The following DAB2IP variants were observed in gnomAD, a reference collection of about 807,000 sequenced individuals.
DAB2IP encodes DAB2 interacting protein.
DAB2IP carries 28 observed loss-of-function variants against 107.2 expected under a neutral mutation model. The observed-to-expected ratio is 0.26, with a 90% CI of 0.19 to 0.36. The LOEUF (loss-of-function observed/expected upper bound fraction) is 0.36. DAB2IP is among the 10% of genes least tolerant of loss of function. The pLI, the probability that DAB2IP is intolerant of heterozygous loss-of-function variation, is 1.00. For missense variants in DAB2IP, 1,400 were observed against 1,644.7 expected (o/e 0.85, Z 2.57); for synonymous variants, 755 against 706.4 (o/e 1.07, Z -1.09).
chr9:121,737,636 C>T lies in DAB2IP; in HGVS notation c.363-19377C>T, dbSNP rs1456633639. The stretch of plus-strand genomic sequence containing the variant: ...CTGGAGACCTGGCCATCTTCGGAAG[C>T]CAGATCTGGCTCCAGAGCCTCGGGG... On this transcript the variant is annotated intron_variant, in intron 3 of 15. Transcript: ENST00000408936. 13 of 985,288 alleles carry T rather than the reference C, an allele frequency of 1.3e-5. No individual in the cohort carries two copies. The East Asian group carries it at 9.1e-4, about 69-fold the overall frequency. 61.0% of individuals were successfully genotyped at this position (985,288 alleles called of 1,614,324 possible). A position where few individuals can be genotyped will look rare whatever the true frequency, so the allele number is the denominator to read the frequency against.
intron 11 of DAB2IP, among the ~76,000 whole-genome samples, chr9:121,771,151 A>G (rs1834695842): frequency 6.6e-6 from 1 of 152,084 alleles, no homozygotes; most frequent in Non-Finnish European, 1.5e-5. Context: ...GGTGTTTTCA[A>G]TAGGAATTCG....
chr9:121,642,358 G>A (rs1262562009), intron 1 of DAB2IP, among the ~76,000 whole-genome samples: 2 of 151,494 alleles, frequency 1.3e-5, no homozygotes, highest in African/African-American at 2.4e-5. Context: ...CTCGTGTGTC[G>A]GCTTCCAGAT....
chr9:121,607,951 TG>T (rs995961051), intron 1 of DAB2IP, among the ~76,000 whole-genome samples: 5 of 152,228 alleles, frequency 3.3e-5, no homozygotes, highest in African/African-American at 1.2e-4. Context: ...AAGCAGGCCC[TG>T]GCCAGAGCAG....
At chr9:121,726,197 T>G (rs1298363117) in intron 3 of DAB2IP, among the ~76,000 whole-genome samples, 1 of 152,196 alleles carries the variant, frequency 6.6e-6, no homozygotes, top group East Asian at 1.9e-4. Flanking sequence ...TAGTCGCCAA[T>G]GGCTAGTGCT....
intron 1 of DAB2IP, among the ~76,000 whole-genome samples, chr9:121,630,659 G>A (rs1235364398): frequency 1.3e-5 from 2 of 151,288 alleles, no homozygotes; most frequent in Non-Finnish European, 2.9e-5. Context: ...CCAGGCTGGA[G>A]TGCAGTGATG....
exon 16 of DAB2IP, chr9:121,783,238 C>T: frequency 8.0e-7 from 1 of 1,252,920 alleles, no homozygotes; most frequent in Non-Finnish European, 1.0e-6. Flanking sequence ...CTTGTGAGCT[C>T]TTGTCCCTGT....
Position 121,732,472 on chromosome 9 carries a change from A to T in DAB2IP, c.363-24541A>T, listed in dbSNP as rs772848643. ...TGCGACCAGGCTGGTAGTGGGGCAG[A>T]GGTAGCCAGATGGGTAGGAGTCTGC... On this transcript the variant is annotated intron_variant, in intron 3 of 15. Transcript: ENST00000408936. Among the ~76,000 whole-genome samples, 12 of 152,044 alleles carry T rather than the reference A, an allele frequency of 7.9e-5. No homozygotes were observed. The South Asian group carries it at 2.1e-3, about 26-fold the overall frequency.
chr9:121,781,414 A>C lies in DAB2IP; in HGVS notation c.3315-50A>C, dbSNP rs773749581. 2.5e-6 allele frequency: 4 copies of C among 1,586,402 alleles called. No homozygotes were observed. The South Asian group carries it at 4.4e-5, about 18-fold the overall frequency. On this transcript the variant is annotated intron_variant, in intron 14 of 15. Transcript: ENST00000408936. ...ATGGGCTTGTTCTCACACCCTCCCC[A>C]CCTCTGCTGCCTCCAGGGCCAGTCT...
At position 121,665,421 on chromosome 9, in the gene DAB2IP, T is replaced by A. The variant is rs187028474; in HGVS notation, c.125-13257T>A. 1.8e-4 allele frequency among the ~76,000 whole-genome samples: 28 copies of A among 152,298 alleles called. 1 individual carries two copies. The East Asian group carries it at 4.8e-3, about 26-fold the overall frequency. On this transcript the variant is annotated intron_variant, in intron 1 of 15. Coordinates refer to ENST00000408936, the Ensembl canonical transcript of DAB2IP. ...ATTTGGGGGGAAAATAGTTTACAGT[T>A]AATGAATGAAATGAAAAATAAGATG...
chr9:121,625,852 C>T (rs1165047075), intron 1 of DAB2IP, among the ~76,000 whole-genome samples: 1 of 152,148 alleles, frequency 6.6e-6, no homozygotes, highest in African/African-American at 2.4e-5. Context: ...AATCTGGTAG[C>T]TTCTTGTAAA....
At chr9:121,590,868 G>A (rs1020095169) in intron 1 of DAB2IP, among the ~76,000 whole-genome samples, 3 of 152,130 alleles carry the variant, frequency 2.0e-5, no homozygotes, top group Non-Finnish European at 4.4e-5. Context: ...TGCCCAGCCC[G>A]GGAGCATGAC....
At chr9:121,758,109 A>T (rs1051606366) in intron 4 of DAB2IP, among the ~76,000 whole-genome samples, 4 of 152,172 alleles carry the variant, frequency 2.6e-5, no homozygotes, top group African/African-American at 7.2e-5. Context: ...GGTTCACAGC[A>T]GGGGGTTCTG....
At chr9:121,781,904 G>A (rs1835683642) in intron 15 of DAB2IP, among the ~76,000 whole-genome samples, 1 of 152,164 alleles carries the variant, frequency 6.6e-6, no homozygotes, top group Admixed American at 6.5e-5. Context: ...TGGCATCCGG[G>A]CTGCATTGAG....
rs552065298 is a variant in DAB2IP at position 121,770,524 on chromosome 9, G to A, written c.1900-22G>A. The A allele has an allele frequency of 4.4e-6, 7 of 1,607,604 alleles. No individual in the cohort carries two copies. In the African/African-American group the frequency reaches 5.3e-5, roughly 12 times the overall value. On this transcript the variant is annotated intron_variant, in intron 10 of 15. Coordinates refer to ENST00000408936, the Ensembl canonical transcript of DAB2IP. ...CATGTGGTCCCAGGAGGTCACACCT[G>A]CCTCTTGCTGTGCCTTTACAGAGCA...
At chr9:121,648,466 G>A (rs1191160963), upstream of DAB2IP, among the ~76,000 whole-genome samples, 2 of 152,044 alleles carry the variant, frequency 1.3e-5, no homozygotes, top group Non-Finnish European at 1.5e-5. Flanking sequence ...GGAGGTGGTC[G>A]CTTTTTGACA....
intron 1 of DAB2IP, among the ~76,000 whole-genome samples, chr9:121,644,707 CTA>C (rs1183497044): frequency 2.0e-5 from 3 of 152,222 alleles, no homozygotes; most frequent in Non-Finnish European, 2.9e-5. Context: ...CTTTGATCCA[CTA>C]TGTTATTTGA....
chr9:121,647,842 T>TTA (rs1219988621), upstream of DAB2IP, among the ~76,000 whole-genome samples: 2 of 149,028 alleles, frequency 1.3e-5, no homozygotes, highest in African/African-American at 4.9e-5. Context: ...TACATATATA[T>TTA]TATATATATA....
At chr9:121,593,947 C>A (rs1051176987) in intron 1 of DAB2IP, among the ~76,000 whole-genome samples, 1 of 151,966 alleles carries the variant, frequency 6.6e-6, no homozygotes. Context: ...GGTTTACAGA[C>A]GTGAGCCACC....
chr9:121,747,824 T>C (rs1337159890), intron 3 of DAB2IP, among the ~76,000 whole-genome samples: 1 of 150,824 alleles, frequency 6.6e-6, no homozygotes, highest in Non-Finnish European at 1.5e-5. Flanking sequence ...GTTTTTTGTT[T>C]CTTCTCTCTC....
Sources: allele counts gnomAD v4.1 joint callset (sites outside exome capture counted in the v4.1 genomes callset), GRCh38; gene constraint gnomAD v4.1.1; transcripts MANE v1.5; gene names NCBI Gene and HGNC (gene_info 2026-07-23, HGNC 2026-07-21).